PTPRM: variants seen among roughly 807,000 people sequenced by gnomAD.
PTPRM encodes protein tyrosine phosphatase receptor type M, also known as receptor-type tyrosine-protein phosphatase mu.
Under a neutral mutation model 186.7 loss-of-function variants are expected in PTPRM, and 47 were observed. That is an observed-to-expected ratio of 0.25 (90% CI 0.20 to 0.32). The LOEUF is 0.32. PTPRM is among the 10% of genes least tolerant of loss of function. PTPRM has a pLI of 1.00. For missense variants in PTPRM, 1,494 were observed against 1,865.0 expected (o/e 0.80, Z 3.66); for synonymous variants, 668 against 674.9 (o/e 0.99, Z 0.16).
At chr18:7,993,326 A>G (rs546871365) in intron 7 of PTPRM, among the ~76,000 whole-genome samples, 1 of 152,190 alleles carries the variant, frequency 6.6e-6, no homozygotes, top group African/African-American at 2.4e-5. Context: ...GAAATAATAA[A>G]AATTTCTTAA....
intron 7 of PTPRM, among the ~76,000 whole-genome samples, chr18:7,985,437 GTATATAAATATATA>G (rs2082895822): frequency 8.1e-6 from 1 of 123,326 alleles, no homozygotes; most frequent in Non-Finnish European, 1.6e-5. Context: ...TGGTAGATAC[GTATATAAATATATA>G]CATATACTGG....
chr18:7,646,396 T>G (rs924649850), intron 1 of PTPRM, among the ~76,000 whole-genome samples: 1 of 152,224 alleles, frequency 6.6e-6, no homozygotes, highest in Non-Finnish European at 1.5e-5. Context: ...TCACCATTGA[T>G]GACAAGATGA....
chr18:8,018,032 T>G (rs2084985069), intron 7 of PTPRM: 1 of 152,264 alleles, frequency 6.6e-6, no homozygotes, highest in South Asian at 2.1e-4. Context: ...GGGCCAATGC[T>G]GAAGCCCATG....
chr18:7,995,724 A>T (rs2083497766), intron 7 of PTPRM: 1 of 152,206 alleles, frequency 6.6e-6, no homozygotes. Context: ...GCCATGTGCC[A>T]CTGATGATTG....
chr18:8,203,570 TG>T (rs1399181968), intron 14 of PTPRM, among the ~76,000 whole-genome samples: 1 of 152,234 alleles, frequency 6.6e-6, no homozygotes, highest in Non-Finnish European at 1.5e-5. Flanking sequence ...ATAATATTTT[TG>T]TATCAATGTT....
At chr18:7,960,858 A>G (rs2053633971) in intron 7 of PTPRM, among the ~76,000 whole-genome samples, 1 of 152,146 alleles carries the variant, frequency 6.6e-6, no homozygotes, top group Admixed American at 6.5e-5. Flanking sequence ...GAAGGGATAG[A>G]GAATAGAGAG....
At chr18:8,089,257 A>G (rs2090588831) in intron 11 of PTPRM, among the ~76,000 whole-genome samples, 1 of 152,048 alleles carries the variant, frequency 6.6e-6, no homozygotes, top group African/African-American at 2.4e-5. Flanking sequence ...TATGTCATTT[A>G]TTTTTTAGTA....
At chr18:7,842,930 G>GTGTGTGTATATATATATA (rs377182615) in intron 2 of PTPRM, among the ~76,000 whole-genome samples, 15 of 100,928 alleles carry the variant, frequency 1.5e-4, no homozygotes, top group African/African-American at 7.4e-4. Flanking sequence ...GTGTGTGTGT[G>GTGTGTGTATATATATATA]TATATATATA....
At chr18:8,033,814 A>G (rs1487231379) in intron 7 of PTPRM, among the ~76,000 whole-genome samples, 1 of 152,188 alleles carries the variant, frequency 6.6e-6, no homozygotes, top group Non-Finnish European at 1.5e-5. Flanking sequence ...CCTAACATGA[A>G]CTTTATAACT....
rs1295850986 is a variant in PTPRM at position 7,678,779 on chromosome 18, C to G, written c.74-95370C>G. On this transcript the variant is annotated intron_variant, in intron 1 of 32. Coordinates refer to ENST00000580170, the MANE Select transcript of PTPRM (RefSeq NM_001105244.2). ...TTACTTTTAATTGCAGCATAATATT[C>G]TATAGATGGATATATCTGACTTATG... 2.0e-5 allele frequency among the ~76,000 whole-genome samples: 3 copies of G among 152,292 alleles called. No individual in the cohort carries two copies. The East Asian group carries it at 5.8e-4, about 29-fold the overall frequency.
At chr18:7,937,219 CAAGA>C in intron 5 of PTPRM, among the ~76,000 whole-genome samples, 1 of 152,294 alleles carries the variant, frequency 6.6e-6, no homozygotes, top group East Asian at 1.9e-4. Flanking sequence ...TTGTGGGTGA[CAAGA>C]AAGAAGGAGA....
chr18:8,197,571 G>A (rs1206048107), intron 14 of PTPRM, among the ~76,000 whole-genome samples: 1 of 152,172 alleles, frequency 6.6e-6, no homozygotes, highest in Non-Finnish European at 1.5e-5. Context: ...TTGGGAGTCG[G>A]TATTGGACAT....
intron 2 of PTPRM, among the ~76,000 whole-genome samples, chr18:7,792,655 T>G (rs1568136620): frequency 6.6e-6 from 1 of 152,154 alleles, no homozygotes; most frequent in African/African-American, 2.4e-5. Flanking sequence ...AAAAGTGTTT[T>G]TTTGTTTGTT....
intron 5 of PTPRM, among the ~76,000 whole-genome samples, chr18:7,937,238 A>C (rs2146920773): frequency 6.6e-6 from 1 of 152,322 alleles, no homozygotes; most frequent in South Asian, 2.1e-4. Context: ...AGGAGAGAAG[A>C]CCTACAGCCC....
intron 2 of PTPRM, among the ~76,000 whole-genome samples, chr18:7,878,362 C>T (rs2048342601): frequency 6.6e-6 from 1 of 152,166 alleles, no homozygotes. Context: ...TAAATTTTGA[C>T]CATTCCTTCT....
intron 7 of PTPRM, among the ~76,000 whole-genome samples, chr18:8,064,054 C>T (rs554019023): frequency 3.9e-4 from 59 of 152,234 alleles, no homozygotes; most frequent in Admixed American, 8.5e-4. Flanking sequence ...TTTTATTATA[C>T]AAGATAATCC....
chr18:8,367,988 C>T (rs780624522), intron 23 of PTPRM, among the ~76,000 whole-genome samples: 1 of 151,948 alleles, frequency 6.6e-6, no homozygotes, highest in Non-Finnish European at 1.5e-5. Context: ...GTATAACATA[C>T]GTTGCGGGTG....
At chr18:8,107,222 T>C (rs8095101) in intron 11 of PTPRM, among the ~76,000 whole-genome samples, 12,344 of 152,238 alleles carry the variant, frequency 0.081, 611 homozygotes, top group Middle Eastern at 0.22. Context: ...TTGTCTTCAC[T>C]TGTTAAAAGC....
chr18:8,397,561 C>A (rs1364643464), intron 32 of PTPRM, among the ~76,000 whole-genome samples: 6 of 152,118 alleles, frequency 3.9e-5, no homozygotes, highest in Non-Finnish European at 8.8e-5. Context: ...TTTTCCTGAC[C>A]CCTTTTTCAG....
Sources: allele counts gnomAD v4.1 joint callset (sites outside exome capture counted in the v4.1 genomes callset), GRCh38; gene constraint gnomAD v4.1.1; transcripts MANE v1.5; gene names NCBI Gene and HGNC (gene_info 2026-07-23, HGNC 2026-07-21).